The following STARD13 variants were observed in gnomAD, a reference collection of about 807,000 sequenced individuals.
The protein encoded by STARD13 is StAR related lipid transfer domain containing 13, also known as stAR-related lipid transfer protein 13.
Under a neutral mutation model 106.4 loss-of-function variants are expected in STARD13, and 62 were observed. The observed-to-expected ratio is 0.58, with a 90% CI of 0.48 to 0.72. STARD13 has a LOEUF of 0.72. Among genes scored for constraint, STARD13 ranks in the 30% least tolerant of loss-of-function variants. The pLI, the probability that STARD13 is intolerant of heterozygous loss-of-function variation, is 0.00. For synonymous variants in STARD13, 565 were observed against 553.0 expected (o/e 1.02, Z -0.31); for missense variants, 1,387 against 1,424.0 (o/e 0.97, Z 0.42).
At chr13:33,476,840 A>G in the STARD13 span, among the ~76,000 whole-genome samples, 1 of 152,224 alleles carries the variant, frequency 6.6e-6, no homozygotes, top group Admixed American at 6.5e-5. Flanking sequence ...TCTGGGTCTG[A>G]AAAAGACACT....
the STARD13 span, among the ~76,000 whole-genome samples, chr13:33,516,155 A>G: frequency 6.8e-6 from 1 of 147,902 alleles, no homozygotes; most frequent in Non-Finnish European, 1.5e-5. Context: ...ATTTATATAT[A>G]ATATATAATG....
chr13:33,209,179 C>G (rs1314757399), intron 1 of STARD13, among the ~76,000 whole-genome samples: 1 of 152,120 alleles, frequency 6.6e-6, no homozygotes, highest in African/African-American at 2.4e-5. Context: ...CCTGCGTTCC[C>G]CAGGACCAGG....
intron 3 of STARD13, among the ~76,000 whole-genome samples, chr13:33,161,319 C>A (rs1349153558): frequency 6.9e-6 from 1 of 144,620 alleles, no homozygotes; most frequent in Non-Finnish European, 1.5e-5. Flanking sequence ...TGTTTTATAT[C>A]TTTTTTTTTT....
chr13:33,486,986 G>T, the STARD13 span, among the ~76,000 whole-genome samples: 1 of 152,272 alleles, frequency 6.6e-6, no homozygotes, highest in East Asian at 1.9e-4. Context: ...TAAACTCACC[G>T]TAGCCTGGAA....
the STARD13 span, among the ~76,000 whole-genome samples, chr13:33,606,622 T>C: frequency 1.3e-5 from 2 of 152,370 alleles, no homozygotes; most frequent in African/African-American, 4.8e-5. Flanking sequence ...AGCTTTGATA[T>C]GTAACATTAT....
At chr13:33,400,652 A>G in the STARD13 span, among the ~76,000 whole-genome samples, 3 of 151,846 alleles carry the variant, frequency 2.0e-5, no homozygotes, top group African/African-American at 7.3e-5. Flanking sequence ...TTTACTAGAG[A>G]CGGGGTTTCA....
intron 1 of STARD13, among the ~76,000 whole-genome samples, chr13:33,234,475 C>G (rs547921370): frequency 6.6e-6 from 1 of 152,166 alleles, no homozygotes; most frequent in Admixed American, 6.5e-5. Context: ...TGCACAAGGC[C>G]GCAACTGGCC....
chr13:33,448,988 C>T, the STARD13 span, among the ~76,000 whole-genome samples: 1 of 151,782 alleles, frequency 6.6e-6, no homozygotes, highest in South Asian at 2.1e-4. Context: ...GATATTAACG[C>T]CTCATCAGAT....
chr13:33,238,449 A>C (rs1889301946), intron 1 of STARD13, among the ~76,000 whole-genome samples: 1 of 152,176 alleles, frequency 6.6e-6, no homozygotes, highest in Non-Finnish European at 1.5e-5. Context: ...GTGAGTGATA[A>C]AAAAGTTTAC....
intron 1 of STARD13, among the ~76,000 whole-genome samples, chr13:33,191,279 C>T (rs1463587864): frequency 2.0e-5 from 3 of 152,154 alleles, no homozygotes; most frequent in Non-Finnish European, 4.4e-5. Context: ...TCACAGACCC[C>T]ATCTATTATT....
chr13:33,242,492 G>A (rs911767880), intron 1 of STARD13, among the ~76,000 whole-genome samples: 3 of 152,156 alleles, frequency 2.0e-5, no homozygotes, highest in Non-Finnish European at 4.4e-5. Flanking sequence ...TGTCCACTAA[G>A]GGTTAAATGG....
Position 33,130,249 on chromosome 13 carries a change from T to A in STARD13, c.428A>T (p.Lys143Ile). 1 of 1,605,938 alleles carries A rather than the reference T, an allele frequency of 6.2e-7. No homozygotes were observed. The highest frequency in any genetic ancestry group is 1.3e-5 in the African/African-American group (1 of 75,018). ...SDEEDLCISNKWTFQRTSRRW... is the reference protein window; with the variant it reads ...SDEEDLCISNIWTFQRTSRRW... ...GCGACTGGTTCTTTGGAAAGTCCAT[T>A]TGTTGCTGATACAAAGATCTTCCTC... Residue 143 changes from lysine to isoleucine, a missense_variant, in exon 5 of 14, where the codon AAA becomes ATA. By Grantham distance (102) the Lys-to-Ile change is moderately radical. Transcript: ENST00000336934. The surrounding 1 kb of genome is among the most constrained non-coding windows in gnomAD (Gnocchi z 4.1).
At chr13:33,646,940 G>T in the STARD13 span, among the ~76,000 whole-genome samples, 2 of 152,018 alleles carry the variant, frequency 1.3e-5, no homozygotes, top group Non-Finnish European at 2.9e-5. Flanking sequence ...ATGATAAAAA[G>T]AAATTACTTC....
At chr13:33,320,265 ACTTGAGCCAGGAGCTGAGGG>A (rs1893506525) in intron 1 of STARD13, among the ~76,000 whole-genome samples, 1 of 152,220 alleles carries the variant, frequency 6.6e-6, no homozygotes, top group South Asian at 2.1e-4. Flanking sequence ...CTATTGAGTG[ACTTGAGCCAGGAGCTGAGGG>A]CTGTCCAGCT....
At chr13:33,184,403 T>G (rs1885548327) in intron 1 of STARD13, among the ~76,000 whole-genome samples, 1 of 152,170 alleles carries the variant, frequency 6.6e-6, no homozygotes. Flanking sequence ...GTTGTTGATT[T>G]TCAGAGAAAG....
chr13:33,349,614 A>C (rs754057039), intron 1 of STARD13, among the ~76,000 whole-genome samples: 10 of 152,158 alleles, frequency 6.6e-5, no homozygotes, highest in Non-Finnish European at 1.2e-4. Context: ...CTGGCTCAAA[A>C]CAATCACTTC....
At chr13:33,404,862 G>A in the STARD13 span, among the ~76,000 whole-genome samples, 28 of 148,916 alleles carry the variant, frequency 1.9e-4, no homozygotes, top group African/African-American at 5.2e-4. Flanking sequence ...CTGCAACCTC[G>A]GCCTCCCAGG....
At chr13:33,116,016 T>C (rs1234310920) in intron 8 of STARD13, among the ~76,000 whole-genome samples, 2 of 152,230 alleles carry the variant, frequency 1.3e-5, no homozygotes, top group Admixed American at 6.5e-5. Flanking sequence ...TGGTTCTGTC[T>C]TTACAGCTGA....
At chr13:33,403,633 C>T in the STARD13 span, among the ~76,000 whole-genome samples, 1 of 152,044 alleles carries the variant, frequency 6.6e-6, no homozygotes, top group Admixed American at 6.5e-5. Context: ...AGAGGTGAAA[C>T]CTAGACATGA....
Sources: allele counts gnomAD v4.1 joint callset (sites outside exome capture counted in the v4.1 genomes callset), GRCh38; gene constraint gnomAD v4.1.1; non-coding constraint Gnocchi (gnomAD v3.1); transcripts MANE v1.5; gene names NCBI Gene and HGNC (gene_info 2026-07-23, HGNC 2026-07-21).